Variants in ASB3 observed in about 807,000 individuals in gnomAD.
ASB3 encodes the protein ankyrin repeat and SOCS box containing 3, also known as ankyrin repeat and SOCS box protein 3.
Under a neutral mutation model 54.5 loss-of-function variants are expected in ASB3, and 41 were observed. The ratio of observed to expected loss-of-function variants is 0.75; its 90% confidence interval spans 0.59 to 0.98. The LOEUF (loss-of-function observed/expected upper bound fraction) is 0.98, where lower values mean the gene tolerates loss of function less well. Ranked by LOEUF, ASB3 falls within the 50% of genes least tolerant of loss-of-function variation. The pLI, the probability that ASB3 is intolerant of heterozygous loss-of-function variation, is 0.00. For synonymous variants in ASB3, 266 were observed against 221.2 expected (o/e 1.20, Z -1.80); for missense variants, 733 against 620.0 (o/e 1.18, Z -1.94).
At chr2:53,698,784 A>G (rs1669323968) in intron 8 of ASB3, among the ~76,000 whole-genome samples, 1 of 152,224 alleles carries the variant, frequency 6.6e-6, no homozygotes, top group Non-Finnish European at 1.5e-5. Context: ...AAGAAGGTTG[A>G]GACTTTCCTA....
intron 8 of ASB3, among the ~76,000 whole-genome samples, chr2:53,695,120 G>A (rs548921446): frequency 2.6e-5 from 4 of 152,110 alleles, no homozygotes; most frequent in South Asian, 2.1e-4. Context: ...AGGTATTACG[G>A]AGCAACAACA....
chr2:53,713,936 G>C (rs1670245680), intron 7 of ASB3, among the ~76,000 whole-genome samples: 1 of 151,880 alleles, frequency 6.6e-6, no homozygotes, highest in Non-Finnish European at 1.5e-5. Flanking sequence ...TTTTTTTAAT[G>C]CTATCCACCA....
At chr2:53,785,487 G>A (rs1040839914) in intron 1 of ASB3, among the ~76,000 whole-genome samples, 2 of 151,548 alleles carry the variant, frequency 1.3e-5, no homozygotes, top group African/African-American at 4.8e-5. Context: ...TTATTTGTTT[G>A]TACAATCTCC....
At chr2:53,748,530 T>C (rs967806909) in intron 3 of ASB3, among the ~76,000 whole-genome samples, 1 of 152,230 alleles carries the variant, frequency 6.6e-6, no homozygotes, top group Non-Finnish European at 1.5e-5. Context: ...AGTACTTTCA[T>C]AAATTAACAT....
intron 2 of ASB3, among the ~76,000 whole-genome samples, chr2:53,760,074 C>T (rs995204985): frequency 6.6e-6 from 1 of 152,206 alleles, no homozygotes; most frequent in Non-Finnish European, 1.5e-5. Flanking sequence ...TAAGTTGTGA[C>T]TGGCGAACTT....
chr2:53,698,359 C>T (rs548270041), intron 8 of ASB3, among the ~76,000 whole-genome samples: 78 of 152,290 alleles, frequency 5.1e-4, no homozygotes, highest in African/African-American at 1.8e-3. Context: ...CTAGTCACAA[C>T]GTTGGGTTCC....
At chr2:53,769,408 T>C (rs1178127445) in intron 1 of ASB3, among the ~76,000 whole-genome samples, 7 of 152,262 alleles carry the variant, frequency 4.6e-5, no homozygotes, top group African/African-American at 1.4e-4. Context: ...TAAATATTTA[T>C]GTATGTGGCT....
At chr2:53,678,021 T>A (rs1668172083) in intron 9 of ASB3, among the ~76,000 whole-genome samples, 1 of 152,206 alleles carries the variant, frequency 6.6e-6, no homozygotes, top group Non-Finnish European at 1.5e-5. Flanking sequence ...TTATTGTATA[T>A]ATTTAAAGTG....
chr2:53,715,979 T>C (rs866916510), intron 6 of ASB3, among the ~76,000 whole-genome samples: 1 of 152,174 alleles, frequency 6.6e-6, no homozygotes, highest in African/African-American at 2.4e-5. Context: ...GGTAGCCATA[T>C]TCTCACATAT....
intron 2 of ASB3, among the ~76,000 whole-genome samples, chr2:53,753,015 C>A (rs1672607065): frequency 6.6e-6 from 1 of 151,422 alleles, no homozygotes; most frequent in African/African-American, 2.4e-5. Flanking sequence ...TGCCTTACAG[C>A]AGAAAGAGTG....
At chr2:53,722,051 A>G (rs1350833774) in intron 5 of ASB3, among the ~76,000 whole-genome samples, 1 of 152,150 alleles carries the variant, frequency 6.6e-6, no homozygotes, top group South Asian at 2.1e-4. Context: ...TGAGACTATT[A>G]CGAACACCTC....
chr2:53,696,423 G>C (rs1391508424), intron 8 of ASB3, among the ~76,000 whole-genome samples: 1 of 152,024 alleles, frequency 6.6e-6, no homozygotes, highest in African/African-American at 2.4e-5. Flanking sequence ...GGAAAGGGGG[G>C]ATAAATTACA....
intron 1 of ASB3, chr2:53,767,815 G>C: frequency 2.0e-6 from 3 of 1,531,674 alleles, no homozygotes; most frequent in Non-Finnish European, 1.8e-6. Context: ...CTCGCTTACC[G>C]GAGGCTTCAG....
Position 53,750,991 on chromosome 2 carries a change from T to A in ASB3, c.197-50A>T, listed in dbSNP as rs768364245. 4.2e-6 allele frequency: 6 copies of A among 1,413,920 alleles called. No homozygotes were observed. In the Admixed American group the frequency reaches 1.4e-4, roughly 32 times the overall value. The allele number at this position is 1,413,920 out of a possible 1,614,324, so 87.6% of individuals were successfully genotyped here. Reference sequence around the variant, plus strand: ...ACTAGAAGGTATTACTTCTATTTCCTGGTTTTAAAAAGCAAAGATTCCAAG... The same window carrying A: ...ACTAGAAGGTATTACTTCTATTTCCAGGTTTTAAAAAGCAAAGATTCCAAG... On this transcript the variant is annotated intron_variant, in intron 2 of 9. Coordinates refer to ENST00000263634, the MANE Select transcript of ASB3 (RefSeq NM_016115.5).
chr2:53,698,415 G>C (rs1369214180), intron 8 of ASB3, among the ~76,000 whole-genome samples: 4 of 152,152 alleles, frequency 2.6e-5, no homozygotes, highest in Non-Finnish European at 5.9e-5. Context: ...GCCAGGCTGA[G>C]AATTTTCCAA....
intron 2 of ASB3, among the ~76,000 whole-genome samples, chr2:53,758,615 G>A (rs141860833): frequency 0.011 from 1,735 of 152,250 alleles, 35 homozygotes; most frequent in African/African-American, 0.04. Context: ...CCAGCAGCCC[G>A]GACCCCTTTC....
intron 3 of ASB3, among the ~76,000 whole-genome samples, chr2:53,740,625 A>C (rs767363710): frequency 1.1e-4 from 16 of 152,212 alleles, no homozygotes; most frequent in African/African-American, 3.1e-4. Flanking sequence ...AGTGGCTAAC[A>C]ATCTTAAAGA....
At chr2:53,751,453 A>G (rs1369382091) in intron 2 of ASB3, among the ~76,000 whole-genome samples, 1 of 152,160 alleles carries the variant, frequency 6.6e-6, no homozygotes, top group African/African-American at 2.4e-5. Context: ...CTGCAGTTCT[A>G]AAAGAATAAA....
intron 2 of ASB3, among the ~76,000 whole-genome samples, chr2:53,762,324 C>T (rs1157930085): frequency 6.6e-6 from 1 of 152,194 alleles, no homozygotes; most frequent in Non-Finnish European, 1.5e-5. Context: ...TGGAATATTT[C>T]TATCTAACAG....
Sources: gnomAD v4.1 joint callset for allele counts (sites outside exome capture counted in the v4.1 genomes callset) on GRCh38, gnomAD v4.1.1 for gene constraint, MANE v1.5 for transcripts, NCBI Gene and HGNC (gene_info 2026-07-23, HGNC 2026-07-21) for gene names.